Variants in REPS1 observed in about 807,000 individuals in gnomAD.
The protein encoded by REPS1 is ralBP1-associated Eps domain-containing protein 1.
In REPS1, 39 loss-of-function variants were observed where a neutral mutation model predicts 100.9. The ratio of observed to expected loss-of-function variants is 0.39; its 90% confidence interval spans 0.30 to 0.50. REPS1 has a LOEUF of 0.50. REPS1 is among the 20% of genes least tolerant of loss of function. The pLI is 0.86. For missense variants in REPS1, 821 were observed against 968.5 expected (o/e 0.85, Z 2.02); for synonymous variants, 324 against 340.3 (o/e 0.95, Z 0.53).
At chr6:138,962,859 T>C (rs940553405) in intron 1 of REPS1, among the ~76,000 whole-genome samples, 3 of 152,206 alleles carry the variant, frequency 2.0e-5, no homozygotes, top group African/African-American at 7.2e-5. Context: ...TATTTGTTGG[T>C]TGGATGAATG....
At chr6:138,944,045 A>C in intron 5 of REPS1, 30 bp from the exon 6 acceptor site, 6 of 1,602,414 alleles carry the variant, frequency 3.7e-6, no homozygotes, top group Non-Finnish European at 5.1e-6. Context: ...CCTCAGTACA[A>C]TATCTACCTA....
intron 7 of REPS1, among the ~76,000 whole-genome samples, chr6:138,942,006 G>A (rs1782290241): frequency 6.6e-6 from 1 of 152,156 alleles, no homozygotes; most frequent in Non-Finnish European, 1.5e-5. Context: ...AGCTTCCTGA[G>A]TAGCTGGGAT....
At chr6:138,981,138 C>A (rs1784927631) in intron 1 of REPS1, among the ~76,000 whole-genome samples, 1 of 152,156 alleles carries the variant, frequency 6.6e-6, no homozygotes, top group African/African-American at 2.4e-5. Context: ...AAGCAGATGT[C>A]CAGTGCGTGC....
At chr6:138,927,601 T>C (rs1007287653) in intron 9 of REPS1, 3 of 152,156 alleles carry the variant, frequency 2.0e-5, no homozygotes, top group African/African-American at 7.2e-5. Context: ...TTTAAAATAG[T>C]GACATTTAAG....
chr6:138,965,412 C>T (rs1368270363), intron 1 of REPS1, among the ~76,000 whole-genome samples: 2 of 150,824 alleles, frequency 1.3e-5, no homozygotes, highest in African/African-American at 2.4e-5. Context: ...GGAGAAAAAC[C>T]ACAAATACGC....
rs1582796533 is a variant in REPS1 at position 138,945,476 on chromosome 6, C to G, written c.474+25G>C. 1.9e-6 allele frequency: 3 copies of G among 1,585,764 alleles called. No homozygotes were observed. The East Asian group carries it at 6.7e-5, about 36-fold the overall frequency. ...AAGCATTTGCACAGGGCATCAACTGCTAATATTTACATGCATGTGATTACC... is the reference window on the plus strand; with the variant it reads ...AAGCATTTGCACAGGGCATCAACTGGTAATATTTACATGCATGTGATTACC... On this transcript the variant is annotated intron_variant, in intron 3 of 19. Coordinates refer to ENST00000450536, the MANE Select transcript of REPS1 (RefSeq NM_001286611.2).
intron 4 of REPS1, 107 bp from the exon 5 acceptor site, chr6:138,944,729 G>T: frequency 5.5e-6 from 6 of 1,095,710 alleles, no homozygotes; most frequent in South Asian, 3.5e-5. Flanking sequence ...TTTCCAAAAT[G>T]GAATCTTTTC....
At chr6:138,977,960 A>G (rs1784691498) in intron 1 of REPS1, among the ~76,000 whole-genome samples, 1 of 152,228 alleles carries the variant, frequency 6.6e-6, no homozygotes, top group African/African-American at 2.4e-5. Context: ...ATAGTATATC[A>G]CTGTGATTTA....
At chr6:138,913,061 A>C in intron 15 of REPS1, 111 bp from the exon 16 acceptor site, 1 of 787,150 alleles carries the variant, frequency 1.3e-6, no homozygotes, top group Non-Finnish European at 2.0e-6. Context: ...CTGTTTTATT[A>C]TCTGTAAGTT....
chr6:138,910,335 C>A (rs1050806086), intron 17 of REPS1, among the ~76,000 whole-genome samples: 2 of 152,154 alleles, frequency 1.3e-5, no homozygotes, highest in Non-Finnish European at 1.5e-5. Flanking sequence ...GTACAGCATG[C>A]AGAACCATGA....
intron 8 of REPS1, among the ~76,000 whole-genome samples, chr6:138,935,410 T>C (rs111558913): frequency 2.0e-5 from 3 of 152,336 alleles, no homozygotes; most frequent in African/African-American, 4.8e-5. Flanking sequence ...AGGTTCCTAT[T>C]ATCCAAAGAT....
chr6:138,980,549 A>C (rs1582868149), intron 1 of REPS1, among the ~76,000 whole-genome samples: 1 of 150,610 alleles, frequency 6.6e-6, no homozygotes, highest in African/African-American at 2.4e-5. Flanking sequence ...CCCTCCCCTG[A>C]CCCCCCATCC....
At chr6:138,966,098 C>T (rs1784004208) in intron 1 of REPS1, among the ~76,000 whole-genome samples, 1 of 152,032 alleles carries the variant, frequency 6.6e-6, no homozygotes, top group Non-Finnish European at 1.5e-5. Context: ...GTTGAAGATT[C>T]CAGAGTGTGT....
intron 1 of REPS1, among the ~76,000 whole-genome samples, chr6:138,948,365 C>T (rs1479826305): frequency 6.6e-6 from 1 of 152,156 alleles, no homozygotes; most frequent in African/African-American, 2.4e-5. Flanking sequence ...ATTTTAACCA[C>T]ATAAATACAA....
chr6:138,920,189 A>T, intron 12 of REPS1, 26 bp downstream of exon 12: 1 of 1,194,206 alleles, frequency 8.4e-7, no homozygotes, highest in Non-Finnish European at 1.3e-6. Context: ...GTAAACTTCA[A>T]ATGGAAGATG....
At chr6:138,979,180 C>CAAAAAA (rs568626153) in intron 1 of REPS1, among the ~76,000 whole-genome samples, 3,084 of 59,154 alleles carry the variant, frequency 0.052, 298 homozygotes, top group Non-Finnish European at 0.071. Flanking sequence ...GAATCCATCA[C>CAAAAAA]AAAAAAAAAA....
intron 13 of REPS1, 163 bp from the exon 14 acceptor site, chr6:138,916,139 T>C (rs989214534): frequency 1.1e-5 from 7 of 649,818 alleles, no homozygotes; most frequent in African/African-American, 1.9e-5. Context: ...GCACTGTTTA[T>C]GATGTACCCT....
intron 1 of REPS1, among the ~76,000 whole-genome samples, chr6:138,972,767 C>T (rs1002747957): frequency 6.6e-6 from 1 of 151,738 alleles, no homozygotes; most frequent in Non-Finnish European, 1.5e-5. Flanking sequence ...CAGTGTTTGA[C>T]TAGCATCACC....
At chr6:138,974,797 T>C (rs559938093) in intron 1 of REPS1, among the ~76,000 whole-genome samples, 2 of 152,248 alleles carry the variant, frequency 1.3e-5, no homozygotes, top group East Asian at 1.9e-4. Flanking sequence ...CCTGTAATCC[T>C]TGCTTGAGTC....
Sources: allele counts gnomAD v4.1 joint callset (sites outside exome capture counted in the v4.1 genomes callset), GRCh38; gene constraint gnomAD v4.1.1; transcripts MANE v1.5; gene names NCBI Gene and HGNC (gene_info 2026-07-23, HGNC 2026-07-21).